The following MEI1 variants were observed in gnomAD, a reference collection of about 807,000 sequenced individuals.
The protein encoded by MEI1 is meiosis inhibitor protein 1.
MEI1 carries 103 observed loss-of-function variants against 146.2 expected under a neutral mutation model. That is an observed-to-expected ratio of 0.70 (90% CI 0.60 to 0.83). The LOEUF (loss-of-function observed/expected upper bound fraction) is 0.83, where lower values mean the gene tolerates loss of function less well. Ranked by LOEUF, MEI1 falls within the 40% of genes least tolerant of loss-of-function variation. The pLI is 0.00. For synonymous variants in MEI1, 652 were observed against 628.2 expected, an observed-to-expected ratio of 1.04 and a Z score of -0.57; for missense variants, 1,529 against 1,533.0, an observed-to-expected ratio of 1.00 and a Z score of 0.04.
Position 41,703,449 on chromosome 22 carries a change from T to A in MEI1, c.293T>A (p.Leu98His). Residue 98 changes from leucine (L) to histidine (H), a missense_variant, in exon 2 of 31, where the codon CTT (leucine) becomes CAT (histidine). Leu to His is a moderately conservative substitution (Grantham distance 99). Coordinates refer to ENST00000401548, the MANE Select transcript of MEI1 (RefSeq NM_152513.4). ...GTCTGCATCCACTTCATAAGTGTGC[T>A]TTTTGGTAAGATTAAGAGGGAAATT... ...QRVCIHFISV[L>H]FGLLCSMEDG... 6.3e-7 allele frequency: 1 copy of A among 1,576,398 alleles called. No homozygotes were observed. The highest frequency in any genetic ancestry group is 8.6e-7 in the Non-Finnish European group (1 of 1,160,228).
At chr22:41,787,494 T>A (rs1015471433) in intron 26 of MEI1, among the ~76,000 whole-genome samples, 1 of 152,196 alleles carries the variant, frequency 6.6e-6, no homozygotes, top group East Asian at 1.9e-4. Context: ...TTATGGACAC[T>A]TAGCCAGCTG....
intron 26 of MEI1, 115 bp downstream of exon 26, chr22:41,784,898 T>TA: frequency 1.9e-6 from 1 of 517,620 alleles, no homozygotes; most frequent in Non-Finnish European, 3.0e-6. Flanking sequence ...TAAGACTTTT[T>TA]TAAAAAAATT....
At chr22:41,731,051 CT>C (rs71651970) in intron 9 of MEI1, among the ~76,000 whole-genome samples, 164 of 117,124 alleles carry the variant, frequency 1.4e-3, no homozygotes, top group Middle Eastern at 4.5e-3. Flanking sequence ...TTGTCTGGGA[CT>C]TTTTTTTTTT....
intron 5 of MEI1, among the ~76,000 whole-genome samples, chr22:41,717,128 G>T (rs1335081995): frequency 2.0e-5 from 3 of 151,704 alleles, no homozygotes; most frequent in Non-Finnish European, 4.4e-5. Context: ...TTTACCAAAG[G>T]GTAAATAACT....
At chr22:41,702,608 G>T (rs2068794608) in intron 1 of MEI1, among the ~76,000 whole-genome samples, 1 of 151,990 alleles carries the variant, frequency 6.6e-6, no homozygotes, top group South Asian at 2.1e-4. Context: ...ACCACGCCTA[G>T]CTAATTTTGT....
chr22:41,725,133 A>G (rs1049476396), intron 7 of MEI1, among the ~76,000 whole-genome samples: 1 of 146,236 alleles, frequency 6.8e-6, no homozygotes, highest in Non-Finnish European at 1.5e-5. Flanking sequence ...TTTTTTTTTG[A>G]GATGTAGTCT....
chr22:41,785,931 G>A lies in MEI1; in HGVS notation c.3345+1148G>A, dbSNP rs1266980415. 9.2e-4 allele frequency among the ~76,000 whole-genome samples: 89 copies of A among 97,148 alleles called. 3 individuals carry two copies. In the South Asian group the frequency reaches 0.027, roughly 30 times the overall value. The allele number at this position is 97,148 out of a possible 152,430, so 63.7% of individuals were successfully genotyped here. A position where few individuals can be genotyped will look rare whatever the true frequency, so the allele number is the denominator to read the frequency against. ...TTTTATTTTATTTTTTTTTTTTTGA[G>A]ACGGAGTCTCGCTCTGTCGCCCAGG... On this transcript the variant is annotated intron_variant, in intron 26 of 30. Coordinates refer to ENST00000401548, the MANE Select transcript of MEI1 (RefSeq NM_152513.4).
At chr22:41,707,028 CAAAAAA>C (rs59421678) in intron 3 of MEI1, among the ~76,000 whole-genome samples, 2,608 of 130,860 alleles carry the variant, frequency 0.02, 92 homozygotes, top group African/African-American at 0.076. Flanking sequence ...CCATCTCTAC[CAAAAAA>C]AAAAAAAAAA....
At chr22:41,705,636 A>G (rs2069030361) in intron 3 of MEI1, 82 bp downstream of exon 3, 2 of 1,217,990 alleles carry the variant, frequency 1.6e-6, no homozygotes, top group Admixed American at 3.4e-5. Context: ...GACCTTGGCG[A>G]AATTGTCTGT....
chr22:41,708,735 A>G (rs1291555532), intron 3 of MEI1, among the ~76,000 whole-genome samples: 1 of 152,222 alleles, frequency 6.6e-6, no homozygotes, highest in Non-Finnish European at 1.5e-5. Flanking sequence ...CAATCTAAAA[A>G]TGGAGGCACT....
intron 1 of MEI1, among the ~76,000 whole-genome samples, chr22:41,702,116 T>G (rs1421636677): frequency 6.6e-6 from 1 of 152,262 alleles, no homozygotes; most frequent in East Asian, 1.9e-4. Context: ...TGAGAAGCAA[T>G]AAGAGATGCA....
At chr22:41,780,912 C>T (rs2075728217) in intron 22 of MEI1, among the ~76,000 whole-genome samples, 1 of 152,074 alleles carries the variant, frequency 6.6e-6, no homozygotes, top group Admixed American at 6.5e-5. Context: ...CTGACGGGGA[C>T]AAGAGGAGTT....
intron 18 of MEI1, 100 bp downstream of exon 18, chr22:41,758,633 A>G: frequency 8.1e-7 from 1 of 1,229,776 alleles, no homozygotes; most frequent in Non-Finnish European, 1.1e-6. Flanking sequence ...GATGCTGGGC[A>G]CTGGGGACAC....
At position 41,699,532 on chromosome 22, in the gene MEI1, CGAG is replaced by C; in HGVS notation, c.-3_-1del. The C allele has an allele frequency of 1.2e-6, 2 of 1,604,660 alleles. No individual in the cohort carries two copies. The highest frequency in any genetic ancestry group is 2.2e-5 in the South Asian group (2 of 90,352). On this transcript the variant is annotated 5_prime_UTR_variant, in exon 1 of 31. Transcript: ENST00000401548. ...GAGTGCCGCCTCAGCTGAGGGCAAG[CGAG>C]GAGATGGCTGTGAGGCAGGCGGCGA...
intron 1 of MEI1, 27 bp downstream of exon 1, chr22:41,699,739 G>T: frequency 6.5e-7 from 1 of 1,533,548 alleles, no homozygotes; most frequent in Non-Finnish European, 8.8e-7. Context: ...TTCTTCAGAA[G>T]ACCTGGGTTT....
At position 41,718,578 on chromosome 22, in the gene MEI1, G is replaced by A. The variant is rs571787881; in HGVS notation, c.733+304G>A. 3.9e-5 allele frequency among the ~76,000 whole-genome samples: 6 copies of A among 152,286 alleles called. No homozygotes were observed. In the South Asian group the frequency reaches 8.3e-4, roughly 21 times the overall value. ...TTAATCTTTACATTGTATAGCTCACGTCCTGTCACTTTCTTAAGTCAGAAA... is the reference window on the plus strand; with the variant it reads ...TTAATCTTTACATTGTATAGCTCACATCCTGTCACTTTCTTAAGTCAGAAA... On this transcript the variant is annotated intron_variant, in intron 6 of 30. Transcript: ENST00000401548.
chr22:41,771,163 C>G (rs151274375), intron 20 of MEI1, among the ~76,000 whole-genome samples: 4 of 152,308 alleles, frequency 2.6e-5, no homozygotes, highest in East Asian at 3.9e-4. Context: ...TTTCCTAAGT[C>G]TAATGGAAGT....
intron 24 of MEI1, among the ~76,000 whole-genome samples, chr22:41,782,855 C>G (rs923316224): frequency 6.6e-6 from 1 of 152,152 alleles, no homozygotes; most frequent in African/African-American, 2.4e-5. Context: ...TAGGCAATTA[C>G]CTGCTCCTAG....
chr22:41,761,318 TG>T lies in MEI1; in HGVS notation c.2121-1855del, dbSNP rs773959931. On this transcript the variant is annotated intron_variant, in intron 18 of 30. Coordinates refer to ENST00000401548, the MANE Select transcript of MEI1 (RefSeq NM_152513.4). ...AGAGTGAGACTCAGTGTTTTTTTTT[TG>T]TTTTTTTTTTTTTGAGACGGAGACT... Among the ~76,000 whole-genome samples, 105 of 106,414 alleles carry T rather than the reference TG, an allele frequency of 9.9e-4. 3 individuals carry two copies. In the East Asian group the frequency reaches 0.044, roughly 44 times the overall value. The allele number at this position is 106,414 out of a possible 152,430, so 69.8% of individuals were successfully genotyped here. A position where few individuals can be genotyped will look rare whatever the true frequency, so the allele number is the denominator to read the frequency against.
Sources: allele counts gnomAD v4.1 joint callset (sites outside exome capture counted in the v4.1 genomes callset), GRCh38; gene constraint gnomAD v4.1.1; transcripts MANE v1.5; gene names NCBI Gene and HGNC (gene_info 2026-07-23, HGNC 2026-07-21).